Variants in HEATR5A observed in about 807,000 individuals in gnomAD.
HEATR5A encodes HEAT repeat-containing protein 5A.
A neutral mutation model predicts 218.8 loss-of-function variants in HEATR5A; 178 were observed. The ratio of observed to expected loss-of-function variants is 0.81; its 90% confidence interval spans 0.72 to 0.92. The LOEUF (loss-of-function observed/expected upper bound fraction) is 0.92, where lower values mean the gene tolerates loss of function less well. HEATR5A is among the 40% of genes least tolerant of loss of function. The pLI, the probability that HEATR5A is intolerant of heterozygous loss-of-function variation, is 0.00. For missense variants in HEATR5A, 2,420 were observed against 2,418.9 expected (o/e 1.00, Z -0.01); for synonymous variants, 864 against 871.6 (o/e 0.99, Z 0.15).
In HEATR5A at chr14:31,323,815, A is replaced by G. The variant is rs769877001; in HGVS notation, c.3548-11T>C. ...TTACAGCTGTAAAATCTTTTATTAA[A>G]GGAGAACATATGTAATTATAATCAA... On this transcript the variant is annotated splice_polypyrimidine_tract_variant and intron_variant, in intron 23 of 35. Coordinates refer to ENST00000543095, the MANE Select transcript of HEATR5A (RefSeq NM_015473.4). 1.3e-6 allele frequency: 2 copies of G among 1,531,860 alleles called. No individual in the cohort carries two copies. The highest frequency in any genetic ancestry group is 2.3e-5 in the South Asian group (2 of 88,230). The allele number at this position is 1,531,860 out of a possible 1,614,324, so 94.9% of individuals were successfully genotyped here.
intron 21 of HEATR5A, among the ~76,000 whole-genome samples, chr14:31,339,856 GA>G (rs1900787609): frequency 6.6e-6 from 1 of 152,136 alleles, no homozygotes; most frequent in Non-Finnish European, 1.5e-5. Flanking sequence ...TAACAACAAT[GA>G]CTAAAAAAGC....
chr14:31,295,143 A>G (rs1367998912), intron 34 of HEATR5A, among the ~76,000 whole-genome samples: 1 of 152,198 alleles, frequency 6.6e-6, no homozygotes, highest in Non-Finnish European at 1.5e-5. Context: ...AAAATAGGAC[A>G]TTACTCAAGC....
chr14:31,323,521 T>G, intron 24 of HEATR5A, 44 bp downstream of exon 24: 1 of 1,491,862 alleles, frequency 6.7e-7, no homozygotes, highest in Non-Finnish European at 9.1e-7. Context: ...GCAGACAGCA[T>G]TTTTACACAT....
intron 10 of HEATR5A, among the ~76,000 whole-genome samples, chr14:31,383,008 G>C (rs574165584): frequency 1.3e-5 from 2 of 151,814 alleles, no homozygotes; most frequent in Non-Finnish European, 2.9e-5. Flanking sequence ...TTTTTGGTTG[G>C]AAACAGTATT....
At chr14:31,414,047 A>G (rs2031369863) in intron 1 of HEATR5A, among the ~76,000 whole-genome samples, 1 of 152,240 alleles carries the variant, frequency 6.6e-6, no homozygotes, top group Admixed American at 6.5e-5. Context: ...CAAATCAATA[A>G]GTACTAAAAG....
Position 31,305,108 on chromosome 14 carries a change from A to G in HEATR5A, c.5036T>C (p.Val1679Ala), listed in dbSNP as rs764528739. ...TGCAAAGACCAAAGACTTTCCAGGCACAAGTCCTCCGGTGTCCTTTCCCTC... is the reference window on the plus strand; with the variant it reads ...TGCAAAGACCAAAGACTTTCCAGGCGCAAGTCCTCCGGTGTCCTTTCCCTC... Reference protein sequence around the residue: ...FGEGKDTGGLVPGKSLVFATL... With the variant: ...FGEGKDTGGLAPGKSLVFATL... Residue 1679 changes from valine to alanine, a missense_variant, in exon 32 of 36, where the codon GTG (valine) becomes GCG (alanine). Transcript: ENST00000543095. The G allele has an allele frequency of 6.2e-7, 1 of 1,614,034 alleles. No individual in the cohort carries two copies. Among genetic ancestry groups the G allele is most frequent in the Non-Finnish European group, 8.5e-7 (1 of 1,179,888 alleles).
intron 22 of HEATR5A, among the ~76,000 whole-genome samples, chr14:31,333,909 T>G (rs1900561079): frequency 6.6e-6 from 1 of 151,418 alleles, no homozygotes; most frequent in African/African-American, 2.4e-5. Context: ...TGTGGTGACA[T>G]TCATCTGTGG....
chr14:31,354,914 T>G (rs1225897203), intron 16 of HEATR5A, among the ~76,000 whole-genome samples: 1 of 152,220 alleles, frequency 6.6e-6, no homozygotes, highest in African/African-American at 2.4e-5. Context: ...CATCATTTGT[T>G]GAAGCAGTCC....
intron 21 of HEATR5A, among the ~76,000 whole-genome samples, chr14:31,339,449 C>CAAAAAA (rs55998911): frequency 7.4e-5 from 5 of 67,430 alleles, no homozygotes; most frequent in East Asian, 9.5e-4. Flanking sequence ...AACTGTGTCT[C>CAAAAAA]AAAAAAAAAA....
At position 31,295,895 on chromosome 14, in the gene HEATR5A, TAA is replaced by T. The variant is rs1162028942; in HGVS notation, c.5619+12_5619+13del. 1 of 1,611,290 alleles carries T rather than the reference TAA, an allele frequency of 6.2e-7. No individual in the cohort carries two copies. Among genetic ancestry groups the T allele is most frequent in the Non-Finnish European group, 8.5e-7 (1 of 1,178,240 alleles). Reference sequence around the variant, plus strand: ...TGTCCTATTACATACATCTTTCTGCTAAAAGACACTTACCACAGGATCTTTTA... The same window carrying T: ...TGTCCTATTACATACATCTTTCTGCTAAGACACTTACCACAGGATCTTTTA... On this transcript the variant is annotated intron_variant, in intron 34 of 35. Transcript: ENST00000543095.
intron 11 of HEATR5A, among the ~76,000 whole-genome samples, chr14:31,378,906 G>A (rs766040823): frequency 1.3e-5 from 2 of 151,094 alleles, no homozygotes; most frequent in Admixed American, 6.6e-5. Flanking sequence ...ATGATTTATC[G>A]GCCAAATCAG....
chr14:31,340,665 T>C (rs1010345734), intron 21 of HEATR5A, among the ~76,000 whole-genome samples: 1 of 152,254 alleles, frequency 6.6e-6, no homozygotes, highest in Non-Finnish European at 1.5e-5. Flanking sequence ...GCCAAGTTTT[T>C]GAAAATAGTC....
intron 32 of HEATR5A, among the ~76,000 whole-genome samples, chr14:31,304,224 C>A (rs1274369490): frequency 6.6e-6 from 1 of 151,960 alleles, no homozygotes; most frequent in Non-Finnish European, 1.5e-5. Context: ...AAAACAACAA[C>A]AAAAAAGAGT....
At chr14:31,387,856 G>A (rs370644572) in intron 7 of HEATR5A, among the ~76,000 whole-genome samples, 5 of 152,074 alleles carry the variant, frequency 3.3e-5, no homozygotes, top group Admixed American at 2.0e-4. Context: ...CACCGCACCC[G>A]GCCTGAAGTG....
At chr14:31,299,829 G>A (rs1167233507) in intron 33 of HEATR5A, among the ~76,000 whole-genome samples, 4 of 150,860 alleles carry the variant, frequency 2.7e-5, no homozygotes, top group Non-Finnish European at 4.4e-5. Context: ...TCAGGAGTTC[G>A]AGACCAGCCT....
chr14:31,356,181 CTG>C (rs1332836152), intron 16 of HEATR5A, among the ~76,000 whole-genome samples: 1 of 152,174 alleles, frequency 6.6e-6, no homozygotes, highest in Non-Finnish European at 1.5e-5. Flanking sequence ...CTACTGGAGA[CTG>C]TGGATAACTG....
rs74043924 is a variant in HEATR5A, at chr14:31,323,826, T to C, written c.3548-22A>G. On this transcript the variant is annotated intron_variant, in intron 23 of 35. Coordinates refer to ENST00000543095, the MANE Select transcript of HEATR5A (RefSeq NM_015473.4). ...AAATCTTTTATTAAAGGAGAACATA[T>C]GTAATTATAATCAACTGAAAGATAT... is the stretch of plus-strand genomic sequence containing the variant. The C allele has an allele frequency of 4.2e-4, 619 of 1,483,364 alleles. 3 individuals are homozygous for C. The African/African-American group carries it at 7.6e-3, about 18-fold the overall frequency. 91.9% of individuals were successfully genotyped at this position (1,483,364 alleles called of 1,614,324 possible).
intron 6 of HEATR5A, among the ~76,000 whole-genome samples, chr14:31,391,602 A>G (rs2139290474): frequency 6.6e-6 from 1 of 152,350 alleles, no homozygotes; most frequent in East Asian, 1.9e-4. Flanking sequence ...TGTAACATCT[A>G]CAGTAGTATA....
At chr14:31,331,551 A>G (rs1343107059) in intron 22 of HEATR5A, among the ~76,000 whole-genome samples, 12 of 152,044 alleles carry the variant, frequency 7.9e-5, no homozygotes, top group Admixed American at 7.9e-4. Flanking sequence ...CCTATTACCC[A>G]ATTCTAAAGC....
Sources: gnomAD v4.1 joint callset for allele counts (sites outside exome capture counted in the v4.1 genomes callset) on GRCh38, gnomAD v4.1.1 for gene constraint, MANE v1.5 for transcripts, NCBI Gene and HGNC (gene_info 2026-07-23, HGNC 2026-07-21) for gene names.